TGFBRAP1: variants seen among roughly 807,000 people sequenced by gnomAD.
TGFBRAP1 encodes transforming growth factor beta receptor associated protein 1.
Under a neutral mutation model 83.2 loss-of-function variants are expected in TGFBRAP1, and 20 were observed. The observed-to-expected ratio is 0.24, with a 90% CI of 0.17 to 0.35. The LOEUF (loss-of-function observed/expected upper bound fraction) is 0.35, where lower values mean the gene tolerates loss of function less well. Ranked by LOEUF, TGFBRAP1 falls within the 10% of genes least tolerant of loss-of-function variation. The pLI, the probability that TGFBRAP1 is intolerant of heterozygous loss-of-function variation, is 1.00. For missense variants in TGFBRAP1, 950 were observed against 1,099.4 expected (o/e 0.86, Z 1.92); for synonymous variants, 415 against 459.8 (o/e 0.90, Z 1.25).
chr2:105,315,569 CA>C (rs1678829348), intron 1 of TGFBRAP1, among the ~76,000 whole-genome samples: 1 of 152,144 alleles, frequency 6.6e-6, no homozygotes, highest in Admixed American at 6.6e-5. Context: ...AAACACTTCA[CA>C]AAAGGCATAT....
chr2:105,319,768 A>G (rs985495808), intron 1 of TGFBRAP1, among the ~76,000 whole-genome samples: 2 of 150,048 alleles, frequency 1.3e-5, no homozygotes, highest in Admixed American at 6.7e-5. Context: ...CATAATACAT[A>G]TATAAGATTT....
At chr2:105,314,949 CAAA>C (rs34579505) in intron 1 of TGFBRAP1, among the ~76,000 whole-genome samples, 2 of 88,798 alleles carry the variant, frequency 2.3e-5, no homozygotes, top group African/African-American at 4.5e-5. Context: ...GACTCTGTCT[CAAA>C]AAAAAAAAAA....
At chr2:105,277,699 A>G in intron 6 of TGFBRAP1, 28 bp from the exon 7 acceptor site, 3 of 1,611,822 alleles carry the variant, frequency 1.9e-6, no homozygotes, top group Non-Finnish European at 2.5e-6. Flanking sequence ...GGTAAGTACA[A>G]CCTCTCCCCA....
At chr2:105,285,871 G>T (rs903046036) in intron 4 of TGFBRAP1, among the ~76,000 whole-genome samples, 2 of 152,104 alleles carry the variant, frequency 1.3e-5, no homozygotes, top group African/African-American at 2.4e-5. Context: ...CTGACCTAAA[G>T]ACCAAATCAA....
At chr2:105,295,802 T>G (rs1573191552) in intron 4 of TGFBRAP1, among the ~76,000 whole-genome samples, 1 of 100,286 alleles carries the variant, frequency 1.0e-5, no homozygotes, top group Non-Finnish European at 1.8e-5. Context: ...AGAGCGAGAC[T>G]CCATCTCAAA....
intron 10 of TGFBRAP1, among the ~76,000 whole-genome samples, chr2:105,271,558 C>T (rs1175732773): frequency 6.6e-6 from 1 of 152,176 alleles, no homozygotes; most frequent in African/African-American, 2.4e-5. Context: ...TCTGGCTCTA[C>T]TGCTCGTGGG....
At chr2:105,268,366 A>C (rs1347931638) in intron 11 of TGFBRAP1, among the ~76,000 whole-genome samples, 2 of 152,196 alleles carry the variant, frequency 1.3e-5, no homozygotes, top group Non-Finnish European at 2.9e-5. Context: ...GTGAATGCGA[A>C]CACCAAGTAA....
chr2:105,256,215 C>G, the TGFBRAP1 span, among the ~76,000 whole-genome samples: 1 of 152,192 alleles, frequency 6.6e-6, no homozygotes, highest in Non-Finnish European at 1.5e-5. Flanking sequence ...GTTGCTCTTT[C>G]CATAGCTCAA....
chr2:105,323,241 A>G (rs1679120488), intron 1 of TGFBRAP1, among the ~76,000 whole-genome samples: 1 of 152,016 alleles, frequency 6.6e-6, no homozygotes, highest in Non-Finnish European at 1.5e-5. Context: ...AGCCTGGAAA[A>G]GTCAGGTGGT....
chr2:105,304,676 G>A (rs796812280), intron 2 of TGFBRAP1, among the ~76,000 whole-genome samples: 17 of 152,282 alleles, frequency 1.1e-4, no homozygotes, highest in African/African-American at 3.8e-4. Flanking sequence ...CCAGCTACTC[G>A]GGAGGTTAAG....
intron 2 of TGFBRAP1, among the ~76,000 whole-genome samples, chr2:105,301,441 G>T (rs965285553): frequency 3.2e-4 from 48 of 151,892 alleles, no homozygotes; most frequent in African/African-American, 1.1e-3. Flanking sequence ...CAAAAAATTA[G>T]CCAGGAATGA....
chr2:105,319,785 A>G, intron 1 of TGFBRAP1, among the ~76,000 whole-genome samples: 2 of 150,140 alleles, frequency 1.3e-5, no homozygotes, highest in East Asian at 1.9e-4. Context: ...ATTTTAATAT[A>G]TATGTTTAAC....
chr2:105,304,186 A>G lies in TGFBRAP1; in HGVS notation c.688+3428T>C, dbSNP rs1310541773. On this transcript the variant is annotated intron_variant, in intron 2 of 11. Coordinates refer to ENST00000393359, the MANE Select transcript of TGFBRAP1 (RefSeq NM_004257.6). ...ATTGTGGTTTTCTTAGGTATCTGTA[A>G]CTTAGAAATATGTACTAAAATGTTT... 2.0e-5 allele frequency among the ~76,000 whole-genome samples: 3 copies of G among 152,204 alleles called. No individual in the cohort carries two copies. In the East Asian group the frequency reaches 5.8e-4, roughly 29 times the overall value.
chr2:105,273,714 T>C (rs746882775), intron 8 of TGFBRAP1, 24 bp from the exon 9 acceptor site: 1 of 1,609,412 alleles, frequency 6.2e-7, no homozygotes, highest in Admixed American at 1.7e-5. Context: ...GACAATACAG[T>C]GACTGTGCTT....
intron 1 of TGFBRAP1, among the ~76,000 whole-genome samples, chr2:105,328,545 C>A (rs1385164275): frequency 6.6e-6 from 1 of 152,182 alleles, no homozygotes; most frequent in African/African-American, 2.4e-5. Flanking sequence ...GAGTAGCAGC[C>A]ACCACACAGT....
In TGFBRAP1 at chr2:105,280,037, C is replaced by CA. The variant is rs571356030; in HGVS notation, c.1463+344dup. On this transcript the variant is annotated intron_variant, in intron 6 of 11. Transcript: ENST00000393359. ...TGGGTGACAGAGCGAGACTCCGTCT[C>CA]AAAAAAAATAGTCATTAAAAAAAAA... 4.6e-3 allele frequency among the ~76,000 whole-genome samples: 656 copies of CA among 141,626 alleles called. 5 individuals are homozygous for CA. Among genetic ancestry groups the CA allele is most frequent in the Non-Finnish European group, 7.4e-3 (483 of 65,234 alleles). 92.9% of individuals were successfully genotyped at this position (141,626 alleles called of 152,430 possible).
chr2:105,302,490 A>T (rs545846762), intron 2 of TGFBRAP1, among the ~76,000 whole-genome samples: 237 of 152,220 alleles, frequency 1.6e-3, no homozygotes, highest in African/African-American at 5.5e-3. Context: ...CTATAAAATG[A>T]AGGAGGAATA....
At chr2:105,299,774 G>A (rs1238508642) in intron 2 of TGFBRAP1, among the ~76,000 whole-genome samples, 1 of 151,840 alleles carries the variant, frequency 6.6e-6, no homozygotes, top group Non-Finnish European at 1.5e-5. Context: ...AGTAACAAAG[G>A]CATCCACGCA....
At chr2:105,279,867 G>C (rs549020579) in intron 6 of TGFBRAP1, among the ~76,000 whole-genome samples, 1 of 151,780 alleles carries the variant, frequency 6.6e-6, no homozygotes, top group South Asian at 2.1e-4. Flanking sequence ...GCAAAACCCC[G>C]TCTCTACTAA....
Sources: gnomAD v4.1 joint callset for allele counts (sites outside exome capture counted in the v4.1 genomes callset) on GRCh38, gnomAD v4.1.1 for gene constraint, MANE v1.5 for transcripts, NCBI Gene and HGNC (gene_info 2026-07-23, HGNC 2026-07-21) for gene names.